OTUD7A: variants seen among roughly 807,000 people sequenced by gnomAD.
OTUD7A encodes the protein OTU domain-containing protein 7A.
OTUD7A carries 12 observed loss-of-function variants against 65.7 expected under a neutral mutation model. That is an observed-to-expected ratio of 0.18 (90% CI 0.12 to 0.30). The LOEUF (loss-of-function observed/expected upper bound fraction) is 0.30, where lower values mean the gene tolerates loss of function less well. Among genes scored for constraint, OTUD7A ranks in the 10% least tolerant of loss-of-function variants. OTUD7A has a pLI of 1.00. For missense variants in OTUD7A, 1,148 were observed against 1,304.8 expected (o/e 0.88, Z 1.85); for synonymous variants, 641 against 586.3 (o/e 1.09, Z -1.35).
At chr15:31,517,991 C>G (rs1333496524) in intron 8 of OTUD7A, among the ~76,000 whole-genome samples, 1 of 152,166 alleles carries the variant, frequency 6.6e-6, no homozygotes, top group Non-Finnish European at 1.5e-5. Context: ...TCCCAGGTCC[C>G]TCCCCATATC....
At chr15:31,681,899 G>A (rs1220130697) in intron 1 of OTUD7A, among the ~76,000 whole-genome samples, 2 of 151,776 alleles carry the variant, frequency 1.3e-5, no homozygotes, top group Non-Finnish European at 2.9e-5. Flanking sequence ...GAGTATTTGG[G>A]CTGCTGGCCT....
At position 31,717,409 on chromosome 15, in the gene OTUD7A, G is replaced by A. The variant is rs185069591; in HGVS notation, c.-99-60332C>T. The stretch of plus-strand genomic sequence containing the variant: ...TCCCCTCGCCCCCCAGTTCCCAACA[G>A]GCCCCAGTGTGTGATGTTCCCCTCC... On this transcript the variant is annotated intron_variant, in intron 1 of 12. Coordinates refer to ENST00000307050, the MANE Select transcript of OTUD7A (RefSeq NM_001382637.1). 8.5e-5 allele frequency among the ~76,000 whole-genome samples: 13 copies of A among 152,098 alleles called. No individual in the cohort carries two copies. The East Asian group carries it at 1.9e-3, about 23-fold the overall frequency.
At chr15:31,791,706 C>G (rs1466425557) in intron 1 of OTUD7A, among the ~76,000 whole-genome samples, 1 of 152,094 alleles carries the variant, frequency 6.6e-6, no homozygotes, top group Admixed American at 6.6e-5. Context: ...TATTAATTAG[C>G]CTTCAAGAGA....
chr15:31,524,953 T>C (rs1443382401), intron 8 of OTUD7A, among the ~76,000 whole-genome samples: 1 of 152,194 alleles, frequency 6.6e-6, no homozygotes, highest in Non-Finnish European at 1.5e-5. Flanking sequence ...TCAGATGGGC[T>C]GACTAGCCAT....
chr15:31,815,801 C>T (rs1896534030), intron 1 of OTUD7A, among the ~76,000 whole-genome samples: 1 of 152,216 alleles, frequency 6.6e-6, no homozygotes, highest in Non-Finnish European at 1.5e-5. Context: ...TGTACGCATT[C>T]GGTAACAATA....
chr15:31,555,145 G>T (rs1888449705), intron 5 of OTUD7A, among the ~76,000 whole-genome samples: 1 of 152,164 alleles, frequency 6.6e-6, no homozygotes, highest in Admixed American at 6.5e-5. Flanking sequence ...CCCCAGGATG[G>T]ACAGCTGGAT....
intron 1 of OTUD7A, among the ~76,000 whole-genome samples, chr15:31,740,630 A>G (rs1017491749): frequency 1.4e-5 from 2 of 147,136 alleles, no homozygotes; most frequent in African/African-American, 5.4e-5. Context: ...TGAGAGGGGG[A>G]AAAAAAACAG....
chr15:31,581,048 C>T (rs960098458), intron 3 of OTUD7A, among the ~76,000 whole-genome samples: 3 of 152,150 alleles, frequency 2.0e-5, no homozygotes, highest in Non-Finnish European at 4.4e-5. Context: ...TGGTTACTTC[C>T]GAGATACAAT....
At chr15:31,647,786 C>T in intron 3 of OTUD7A, among the ~76,000 whole-genome samples, 1 of 151,966 alleles carries the variant, frequency 6.6e-6, no homozygotes, top group African/African-American at 2.4e-5. Context: ...GGGTGTTGGG[C>T]AAACAGTGAA....
intron 1 of OTUD7A, among the ~76,000 whole-genome samples, chr15:31,725,525 C>T (rs1046366960): frequency 2.6e-5 from 4 of 152,148 alleles, no homozygotes; most frequent in African/African-American, 7.2e-5. Flanking sequence ...TCTCCCACTA[C>T]CTTTGATATT....
chr15:31,618,929 T>C (rs1188200558), intron 3 of OTUD7A, among the ~76,000 whole-genome samples: 2 of 152,248 alleles, frequency 1.3e-5, no homozygotes, highest in Non-Finnish European at 2.9e-5. Flanking sequence ...AAGTCTTTAA[T>C]CCATCTTGAA....
At chr15:31,822,659 C>T (rs76304694) in intron 1 of OTUD7A, among the ~76,000 whole-genome samples, 1,656 of 152,308 alleles carry the variant, frequency 0.011, 29 homozygotes, top group Non-Finnish European at 0.014. Context: ...TTAAATAGCA[C>T]ACTGCAAGTG....
At chr15:31,644,662 G>A (rs964812028) in intron 3 of OTUD7A, among the ~76,000 whole-genome samples, 2 of 152,094 alleles carry the variant, frequency 1.3e-5, no homozygotes, top group African/African-American at 4.8e-5. Context: ...GATTTTTGTA[G>A]AGACAGAGGT....
intron 1 of OTUD7A, among the ~76,000 whole-genome samples, chr15:31,726,455 T>C (rs1893891553): frequency 6.6e-6 from 1 of 151,872 alleles, no homozygotes; most frequent in Non-Finnish European, 1.5e-5. Flanking sequence ...TTGAACAGTG[T>C]AGCTAAGAAG....
At chr15:31,860,679 A>ATG (rs1897709526) in intron 1 of OTUD7A, among the ~76,000 whole-genome samples, 1 of 40,880 alleles carries the variant, frequency 2.4e-5, no homozygotes, top group African/African-American at 6.7e-5. Context: ...GTATGTGTGT[A>ATG]TATATATATA....
chr15:31,837,714 T>C (rs1897090706), intron 1 of OTUD7A, among the ~76,000 whole-genome samples: 1 of 152,238 alleles, frequency 6.6e-6, no homozygotes, highest in Admixed American at 6.5e-5. Flanking sequence ...AATAAAGATG[T>C]CAATTATTTC....
chr15:31,745,659 G>C (rs1472765310), intron 1 of OTUD7A, among the ~76,000 whole-genome samples: 1 of 151,950 alleles, frequency 6.6e-6, no homozygotes, highest in Non-Finnish European at 1.5e-5. Context: ...AGAAAGCAGT[G>C]ATCATAAAAG....
At chr15:31,548,216 C>T (rs935293790) in intron 5 of OTUD7A, among the ~76,000 whole-genome samples, 2 of 67,070 alleles carry the variant, frequency 3.0e-5, no homozygotes, top group Non-Finnish European at 9.4e-5. Context: ...CATCTGTGGG[C>T]GCCCTGGGCC....
chr15:31,742,312 C>T (rs1894364615), intron 1 of OTUD7A, among the ~76,000 whole-genome samples: 1 of 152,012 alleles, frequency 6.6e-6, no homozygotes, highest in South Asian at 2.1e-4. Flanking sequence ...ACATTTATTA[C>T]AATCATGGCA....
Sources: gnomAD v4.1 joint callset for allele counts (sites outside exome capture counted in the v4.1 genomes callset) on GRCh38, gnomAD v4.1.1 for gene constraint, MANE v1.5 for transcripts, NCBI Gene and HGNC (gene_info 2026-07-23, HGNC 2026-07-21) for gene names.